The following TTC12 variants were observed in gnomAD, a reference collection of about 807,000 sequenced individuals.
TTC12 encodes the protein tetratricopeptide repeat protein 12.
A neutral mutation model predicts 90.1 loss-of-function variants in TTC12; 70 were observed. The observed-to-expected ratio is 0.78, with a 90% confidence interval of 0.64 to 0.95. TTC12 has a LOEUF of 0.95. TTC12 is among the 40% of genes least tolerant of loss of function. TTC12 has a pLI of 0.00. For missense variants in TTC12, 819 were observed against 846.1 expected, an observed-to-expected ratio of 0.97 and a Z score of 0.40; for synonymous variants, 296 against 311.5, an observed-to-expected ratio of 0.95 and a Z score of 0.53.
At chr11:113,370,587 A>T (rs1442961937), downstream of TTC12, among the ~76,000 whole-genome samples, 4 of 152,264 alleles carry the variant, frequency 2.6e-5, no homozygotes, top group Non-Finnish European at 5.9e-5. Flanking sequence ...CCCTGGAGAC[A>T]TTCTGCCCTG....
intron 13 of TTC12, among the ~76,000 whole-genome samples, chr11:113,345,241 C>T (rs1436799294): frequency 6.6e-6 from 1 of 152,194 alleles, no homozygotes; most frequent in Admixed American, 6.5e-5. Flanking sequence ...GTTTCTCACA[C>T]AATCTAAAAA....
chr11:113,359,306 G>T, intron 16 of TTC12, 57 bp from the exon 17 acceptor site: 1 of 1,163,334 alleles, frequency 8.6e-7, no homozygotes, highest in South Asian at 1.3e-5. Context: ...GGGAAAAGAT[G>T]ACCATAAAAA....
chr11:113,368,194 G>GC, downstream of TTC12: 1 of 1,468,400 alleles, frequency 6.8e-7, no homozygotes, highest in Non-Finnish European at 9.1e-7. Flanking sequence ...CAGAGTGCCT[G>GC]CCGAGAGCAG....
downstream of TTC12, among the ~76,000 whole-genome samples, chr11:113,369,432 G>A (rs769311451): frequency 7.2e-4 from 5 of 6,982 alleles, no homozygotes; most frequent in African/African-American, 3.2e-3. Flanking sequence ...CCCACCCCCC[G>A]TGCATTGTGC....
chr11:113,319,470 A>G (rs1170040418), intron 2 of TTC12, among the ~76,000 whole-genome samples: 2 of 152,316 alleles, frequency 1.3e-5, no homozygotes, highest in East Asian at 3.9e-4. Flanking sequence ...AGTTAATTAA[A>G]AGACATGAAA....
At chr11:113,328,584 A>G (rs1947837239) in intron 6 of TTC12, among the ~76,000 whole-genome samples, 1 of 151,912 alleles carries the variant, frequency 6.6e-6, no homozygotes, top group South Asian at 2.1e-4. Flanking sequence ...GCTCGGGAGG[A>G]CAGAAGCAGA....
chr11:113,326,635 G>A (rs1947712311), intron 6 of TTC12, among the ~76,000 whole-genome samples: 1 of 152,262 alleles, frequency 6.6e-6, no homozygotes, highest in South Asian at 2.1e-4. Flanking sequence ...ATAAATCCAA[G>A]CAGTATAATC....
intron 7 of TTC12, among the ~76,000 whole-genome samples, chr11:113,331,754 G>A (rs1379412213): frequency 6.6e-6 from 1 of 152,224 alleles, no homozygotes; most frequent in Non-Finnish European, 1.5e-5. Context: ...GTAATTAACG[G>A]TGAAACCGAG....
intron 19 of TTC12, among the ~76,000 whole-genome samples, chr11:113,363,153 G>A (rs757346366): frequency 6.6e-6 from 1 of 152,198 alleles, no homozygotes; most frequent in African/African-American, 2.4e-5. Flanking sequence ...GCTGAGTGGC[G>A]CAGGGAAGCA....
intron 8 of TTC12, 81 bp from the exon 9 acceptor site, chr11:113,338,693 C>A: frequency 9.2e-7 from 1 of 1,088,654 alleles, no homozygotes; most frequent in South Asian, 1.4e-5. Context: ...AATGAAGCAG[C>A]CAAGCCCAAT....
intron 13 of TTC12, among the ~76,000 whole-genome samples, chr11:113,347,481 G>A (rs1026036295): frequency 6.6e-6 from 1 of 152,138 alleles, no homozygotes; most frequent in South Asian, 2.1e-4. Flanking sequence ...CCCAATTAGC[G>A]AGAGGCTGTG....
intron 17 of TTC12, 117 bp downstream of exon 17, chr11:113,359,578 G>A (rs1208489613): frequency 2.0e-5 from 15 of 733,740 alleles, no homozygotes; most frequent in Non-Finnish European, 2.8e-5. Flanking sequence ...CACACTGGCC[G>A]TGGAATGGGA....
intron 13 of TTC12, among the ~76,000 whole-genome samples, chr11:113,345,492 G>C (rs1166908122): frequency 6.6e-6 from 1 of 152,198 alleles, no homozygotes; most frequent in Non-Finnish European, 1.5e-5. Context: ...ACTGGCTCCT[G>C]TTCCTTCCAG....
At chr11:113,352,782 CTCTT>C (rs1223034215) in intron 16 of TTC12, among the ~76,000 whole-genome samples, 6 of 152,174 alleles carry the variant, frequency 3.9e-5, no homozygotes, top group Non-Finnish European at 8.8e-5. Flanking sequence ...AGGACATAAT[CTCTT>C]TCTTTTTTAT....
At chr11:113,356,960 A>G (rs1302774806) in intron 16 of TTC12, among the ~76,000 whole-genome samples, 1 of 152,034 alleles carries the variant, frequency 6.6e-6, no homozygotes, top group African/African-American at 2.4e-5. Context: ...CTGAATTTGA[A>G]TGTTGGCCTC....
intron 1 of TTC12, chr11:113,315,066 T>A (rs1394050788): frequency 6.6e-6 from 1 of 152,360 alleles, no homozygotes; most frequent in Non-Finnish European, 1.5e-5. Context: ...GCGCCTGCCT[T>A]CTAACCTTCA....
chr11:113,361,954 TAA>T (rs35243476), intron 18 of TTC12, among the ~76,000 whole-genome samples: 9 of 137,930 alleles, frequency 6.5e-5, no homozygotes, highest in Admixed American at 7.2e-5. Flanking sequence ...GGCATTTATT[TAA>T]AAAAAAAAAA....
intron 6 of TTC12, among the ~76,000 whole-genome samples, chr11:113,327,728 C>CCATGAAAT (rs1445590333): frequency 6.6e-6 from 1 of 152,094 alleles, no homozygotes; most frequent in African/African-American, 2.4e-5. Context: ...AATAATAGTG[C>CCATGAAAT]CATGAAATCA....
intron 6 of TTC12, 46 bp downstream of exon 6, chr11:113,325,691 T>G: frequency 6.2e-7 from 1 of 1,604,902 alleles, no homozygotes; most frequent in Non-Finnish European, 8.5e-7. Context: ...CAGGGAATAG[T>G]TGCCACTAAA....
Sources: gnomAD v4.1 joint callset for allele counts (sites outside exome capture counted in the v4.1 genomes callset) on GRCh38, gnomAD v4.1.1 for gene constraint, MANE v1.5 for transcripts, NCBI Gene and HGNC (gene_info 2026-07-23, HGNC 2026-07-21) for gene names.